TAF4B: variants seen among roughly 807,000 people sequenced by gnomAD.
TAF4B encodes transcription initiation factor TFIID subunit 4B.
In TAF4B, 38 loss-of-function variants were observed where a neutral mutation model predicts 86.4. The ratio of observed to expected loss-of-function variants is 0.44; its 90% CI spans 0.34 to 0.58. TAF4B has a LOEUF of 0.58. Among genes scored for constraint, TAF4B ranks in the 20% least tolerant of loss-of-function variants. The pLI is 0.02. For synonymous variants in TAF4B, 388 were observed against 391.2 expected, an observed-to-expected ratio of 0.99 and a Z score of 0.10; for missense variants, 988 against 1,027.6, an observed-to-expected ratio of 0.96 and a Z score of 0.53.
intron 11 of TAF4B, among the ~76,000 whole-genome samples, chr18:26,324,846 G>A (rs1568153823): frequency 6.6e-6 from 1 of 152,176 alleles, no homozygotes; most frequent in African/African-American, 2.4e-5. Context: ...GATTCAGTTT[G>A]AAATCACCAT....
chr18:26,234,197 A>G (rs72878296), intron 1 of TAF4B, among the ~76,000 whole-genome samples: 3,867 of 152,310 alleles, frequency 0.025, 65 homozygotes, highest in Non-Finnish European at 0.04. Context: ...GGGTTCCTCC[A>G]TAGGTATTCC....
chr18:26,353,611 A>T, intron 13 of TAF4B, among the ~76,000 whole-genome samples: 1 of 152,236 alleles, frequency 6.6e-6, no homozygotes, highest in East Asian at 1.9e-4. Flanking sequence ...CCTGAGGCTG[A>T]TAAAGGATAG....
At chr18:26,268,372 C>T (rs531824653) in intron 3 of TAF4B, among the ~76,000 whole-genome samples, 1 of 152,066 alleles carries the variant, frequency 6.6e-6, no homozygotes, top group Non-Finnish European at 1.5e-5. Context: ...AACTACAGTC[C>T]CCACTGCTGC....
intron 14 of TAF4B, among the ~76,000 whole-genome samples, chr18:26,358,737 A>G (rs1282012425): frequency 6.6e-6 from 1 of 152,162 alleles, no homozygotes; most frequent in Non-Finnish European, 1.5e-5. Flanking sequence ...AAAAGATAAT[A>G]TTAGCCTTTT....
intron 14 of TAF4B, among the ~76,000 whole-genome samples, chr18:26,362,071 A>G (rs2057337150): frequency 6.6e-6 from 1 of 152,136 alleles, no homozygotes; most frequent in Admixed American, 6.5e-5. Flanking sequence ...TATACAACAA[A>G]TTATGTTAAA....
At position 26,226,850 on chromosome 18, in the gene TAF4B, C is replaced by G. The variant is rs2055582505; in HGVS notation, c.-84C>G. 2 of 1,149,024 alleles carry G rather than the reference C, an allele frequency of 1.7e-6. No homozygotes were observed. The highest frequency in any genetic ancestry group is 2.4e-5 in the South Asian group (1 of 40,906). 71.2% of individuals were successfully genotyped at this position (1,149,024 alleles called of 1,614,324 possible). ...CGATGCTGTGGAACCCGAACCGCAC[C>G]GGAGTCGGCTGCCGCGCGCCAAGCC... On this transcript the variant is annotated 5_prime_UTR_variant, in exon 1 of 15. Transcript: ENST00000269142.
intron 13 of TAF4B, among the ~76,000 whole-genome samples, chr18:26,341,752 A>AT (rs1342530100): frequency 1.3e-5 from 2 of 152,150 alleles, no homozygotes; most frequent in Non-Finnish European, 2.9e-5. Flanking sequence ...ACTGCTAATA[A>AT]TTGTCTTTGA....
chr18:26,245,696 G>C (rs1030895148), intron 1 of TAF4B, among the ~76,000 whole-genome samples: 1 of 152,118 alleles, frequency 6.6e-6, no homozygotes, highest in African/African-American at 2.4e-5. Context: ...TGATTGATGC[G>C]TTTTTACAGA....
chr18:26,296,249 C>T (rs1172242826), intron 9 of TAF4B, among the ~76,000 whole-genome samples: 1 of 152,124 alleles, frequency 6.6e-6, no homozygotes, highest in African/African-American at 2.4e-5. Context: ...TCTCCGCTTC[C>T]AAATGGTGCT....
At chr18:26,378,138 G>A (rs1020046037) in intron 14 of TAF4B, among the ~76,000 whole-genome samples, 2 of 152,164 alleles carry the variant, frequency 1.3e-5, no homozygotes, top group African/African-American at 2.4e-5. Flanking sequence ...ATTCAGTGAA[G>A]GGTGGGGTGG....
chr18:26,357,315 T>TGG (rs1427241453), intron 13 of TAF4B, among the ~76,000 whole-genome samples: 8 of 152,230 alleles, frequency 5.3e-5, no homozygotes, highest in Non-Finnish European at 2.9e-5. Context: ...AAACTGTCTT[T>TGG]ATTTTAAAGT....
intron 1 of TAF4B, among the ~76,000 whole-genome samples, chr18:26,257,396 A>G (rs537334107): frequency 6.6e-6 from 1 of 152,206 alleles, no homozygotes; most frequent in South Asian, 2.1e-4. Flanking sequence ...TTCTGTTTGT[A>G]TGATGTCTTT....
intron 6 of TAF4B, among the ~76,000 whole-genome samples, chr18:26,284,913 A>T (rs1290747911): frequency 1.3e-5 from 2 of 152,200 alleles, no homozygotes; most frequent in Non-Finnish European, 2.9e-5. Flanking sequence ...TTCAGATCGT[A>T]AAATTCACTT....
intron 1 of TAF4B, among the ~76,000 whole-genome samples, chr18:26,229,546 AGGCTGGGGTGCAGT>A (rs1055991914): frequency 7.4e-6 from 1 of 135,420 alleles, no homozygotes; most frequent in Non-Finnish European, 1.5e-5. Context: ...TCTGTTGCCC[AGGCTGGGGTGCAGT>A]GGCATAATCT....
chr18:26,366,034 G>T (rs1315408520), intron 14 of TAF4B, among the ~76,000 whole-genome samples: 1 of 152,038 alleles, frequency 6.6e-6, no homozygotes, highest in Non-Finnish European at 1.5e-5. Flanking sequence ...CAGGTGATCC[G>T]CTGCCTCGGC....
intron 3 of TAF4B, among the ~76,000 whole-genome samples, chr18:26,272,921 G>A (rs2056339343): frequency 6.6e-6 from 1 of 152,000 alleles, no homozygotes; most frequent in Admixed American, 6.6e-5. Flanking sequence ...ACTAACTTAG[G>A]TGTAATTTTT....
chr18:26,310,771 C>G (rs1455170868), intron 9 of TAF4B, among the ~76,000 whole-genome samples: 1 of 152,096 alleles, frequency 6.6e-6, no homozygotes, highest in South Asian at 2.1e-4. Flanking sequence ...TACCCAGGTT[C>G]CCAGCCTAGA....
intron 14 of TAF4B, among the ~76,000 whole-genome samples, chr18:26,387,275 G>A (rs761947320): frequency 6.6e-6 from 1 of 152,058 alleles, no homozygotes; most frequent in Non-Finnish European, 1.5e-5. Context: ...CACCATGTTA[G>A]CCAGGCTGGT....
chr18:26,317,609 A>G (rs1232674450), intron 10 of TAF4B, among the ~76,000 whole-genome samples: 2 of 152,132 alleles, frequency 1.3e-5, no homozygotes, highest in African/African-American at 4.8e-5. Flanking sequence ...CATAAATTGG[A>G]TGGCTTAAAC....
Sources: gnomAD v4.1 joint callset for allele counts (sites outside exome capture counted in the v4.1 genomes callset) on GRCh38, gnomAD v4.1.1 for gene constraint, MANE v1.5 for transcripts, NCBI Gene and HGNC (gene_info 2026-07-23, HGNC 2026-07-21) for gene names.